Variants in CAMK2B observed in about 807,000 individuals in gnomAD.
The protein encoded by CAMK2B is calcium/calmodulin dependent protein kinase II beta.
A neutral mutation model predicts 93.7 loss-of-function variants in CAMK2B; 27 were observed. The observed-to-expected ratio is 0.29, with a 90% CI of 0.21 to 0.40. CAMK2B has a LOEUF of 0.40. Among genes scored for constraint, CAMK2B ranks in the 10% least tolerant of loss-of-function variants. The pLI, the probability that CAMK2B is intolerant of heterozygous loss-of-function variation, is 1.00. For missense variants in CAMK2B, 568 were observed against 895.8 expected (o/e 0.63, Z 4.67); for synonymous variants, 374 against 358.8 (o/e 1.04, Z -0.48).
chr7:44,238,655 G>A (rs991742521), intron 13 of CAMK2B, among the ~76,000 whole-genome samples: 4 of 152,212 alleles, frequency 2.6e-5, no homozygotes, highest in Non-Finnish European at 5.9e-5. Flanking sequence ...CCTGGGGAAG[G>A]CAGTCTCCAG....
chr7:44,226,105 G>A (rs971796322), intron 20 of CAMK2B, among the ~76,000 whole-genome samples: 3 of 151,952 alleles, frequency 2.0e-5, no homozygotes, highest in South Asian at 2.1e-4. Context: ...GTCTCAGGCC[G>A]GGACTGACAC....
chr7:44,307,328 GGGGA>G (rs1223642955), intron 1 of CAMK2B, among the ~76,000 whole-genome samples: 1 of 131,804 alleles, frequency 7.6e-6, no homozygotes. Context: ...GTGTGAGAAG[GGGGA>G]GGAAGTTGTC....
intron 1 of CAMK2B, among the ~76,000 whole-genome samples, chr7:44,322,629 C>A (rs1392229260): frequency 2.0e-5 from 3 of 152,256 alleles, no homozygotes; most frequent in Non-Finnish European, 4.4e-5. Flanking sequence ...GTCTGTGAGC[C>A]CTGCCAGGCT....
intron 1 of CAMK2B, among the ~76,000 whole-genome samples, chr7:44,303,694 G>C (rs1790711615): frequency 6.6e-6 from 1 of 152,194 alleles, no homozygotes; most frequent in African/African-American, 2.4e-5. Context: ...GTTTGGTGAT[G>C]ATTTCTTAGA....
chr7:44,315,571 C>T (rs1186731808), intron 1 of CAMK2B, among the ~76,000 whole-genome samples: 3 of 152,126 alleles, frequency 2.0e-5, no homozygotes, highest in Non-Finnish European at 4.4e-5. Context: ...TCTTGCATTC[C>T]TATGTGAATT....
intron 1 of CAMK2B, among the ~76,000 whole-genome samples, chr7:44,306,791 T>C (rs1358681561): frequency 2.0e-5 from 1 of 49,750 alleles, no homozygotes; most frequent in Non-Finnish European, 4.1e-5. Context: ...GAGGAGGGTG[T>C]GGGCAGGGGA....
intron 3 of CAMK2B, chr7:44,259,428 G>A (rs778617294): frequency 1.1e-4 from 18 of 164,036 alleles, no homozygotes; most frequent in South Asian, 6.7e-4. Flanking sequence ...CTGTGTCTCC[G>A]CTGTGTCCTG....
Position 44,218,877 on chromosome 7 carries a change from G to T in CAMK2B, c.*648C>A, listed in dbSNP as rs1487651496. 1 of 152,212 alleles carries T rather than the reference G, an allele frequency of 6.6e-6. No individual in the cohort carries two copies. The highest frequency in any genetic ancestry group is 6.5e-5 in the Admixed American group (1 of 15,284). The allele number at this position is 152,212 out of a possible 1,614,324, so 9.4% of individuals were successfully genotyped here. The stretch of plus-strand genomic sequence containing the variant: ...GGGTTGTCCGTGCTGGGTGTGTGGG[G>T]ATACCGGGCACGGAAAACCCACACC... On this transcript the variant is annotated 3_prime_UTR_variant, in exon 24 of 24. Transcript: ENST00000395749.
chr7:44,218,739 A>G lies in CAMK2B; in HGVS notation c.*786T>C, dbSNP rs989007985. On this transcript the variant is annotated 3_prime_UTR_variant, in exon 24 of 24. Transcript: ENST00000395749. ...GCCCCTCTTTGCACTTTACTCCCCC[A>G]GAAGGACCAGAGCTGGAGCCCTGGG... 9.2e-5 allele frequency: 14 copies of G among 152,440 alleles called. No homozygotes were observed. The highest frequency in any genetic ancestry group is 3.4e-4 in the African/African-American group (14 of 41,574). The allele number at this position is 152,440 out of a possible 1,614,324, so 9.4% of individuals were successfully genotyped here. A position where few individuals can be genotyped will look rare whatever the true frequency, so the allele number is the denominator to read the frequency against.
At chr7:44,240,848 C>T in intron 11 of CAMK2B, 99 bp from the exon 12 acceptor site, 1 of 1,290,906 alleles carries the variant, frequency 7.7e-7, no homozygotes, top group Non-Finnish European at 1.1e-6. Flanking sequence ...AGATGCTCAG[C>T]CTCATTGTCA....
Position 44,258,582 on chromosome 7 carries a change from C to T in CAMK2B, c.275+290G>A, listed in dbSNP as rs1168990692. 3.9e-5 allele frequency among the ~76,000 whole-genome samples: 6 copies of T among 152,234 alleles called. No individual in the cohort carries two copies. The East Asian group carries it at 1.2e-3, about 29-fold the overall frequency. ...TGACTGACTATTCCTCTGGGGTCCA[C>T]CCACCCGCTGCCTCCAGTGTGCCCT... On this transcript the variant is annotated intron_variant, in intron 4 of 23. Transcript: ENST00000395749.
At chr7:44,250,255 G>A (rs185208569) in intron 5 of CAMK2B, among the ~76,000 whole-genome samples, 2 of 152,314 alleles carry the variant, frequency 1.3e-5, no homozygotes, top group East Asian at 3.9e-4. Context: ...CTGAGACCAC[G>A]GCCTTGGAGG....
At chr7:44,251,631 C>G (rs2096781667) in intron 5 of CAMK2B, among the ~76,000 whole-genome samples, 1 of 152,208 alleles carries the variant, frequency 6.6e-6, no homozygotes, top group Admixed American at 6.5e-5. Context: ...CCGTGTGCCC[C>G]CTCGCTCCCC....
At chr7:44,229,846 G>T in intron 17 of CAMK2B, 1 of 226,834 alleles carries the variant, frequency 4.4e-6, no homozygotes, top group Non-Finnish European at 8.6e-6. Flanking sequence ...CCAGGCGCAC[G>T]GAGAGGGAGT....
At chr7:44,304,981 T>TTTA (rs1035763121) in intron 1 of CAMK2B, among the ~76,000 whole-genome samples, 1 of 152,102 alleles carries the variant, frequency 6.6e-6, no homozygotes, top group Non-Finnish European at 1.5e-5. Context: ...GAGAAGGACT[T>TTTA]TTTAAAACCA....
chr7:44,265,895 A>AC (rs903744886), intron 2 of CAMK2B, among the ~76,000 whole-genome samples: 16 of 151,782 alleles, frequency 1.1e-4, no homozygotes, highest in African/African-American at 3.9e-4. Flanking sequence ...ATAAACCATG[A>AC]CACAAGATCT....
chr7:44,243,026 G>A (rs77513510), intron 8 of CAMK2B, among the ~76,000 whole-genome samples: 3,505 of 152,316 alleles, frequency 0.023, 61 homozygotes, highest in Non-Finnish European at 0.035. Flanking sequence ...GAGCGCAGGC[G>A]AGCACTGGGG....
At chr7:44,280,188 C>T (rs547614770) in intron 2 of CAMK2B, among the ~76,000 whole-genome samples, 1 of 152,298 alleles carries the variant, frequency 6.6e-6, no homozygotes, top group Admixed American at 6.5e-5. Flanking sequence ...TCTGACATGC[C>T]CCATGGTCCC....
chr7:44,240,316 C>T (rs2096666005), intron 12 of CAMK2B, among the ~76,000 whole-genome samples: 1 of 152,224 alleles, frequency 6.6e-6, no homozygotes, highest in African/African-American at 2.4e-5. Context: ...CCGCATCACC[C>T]CGCATCCCTT....
Sources: gnomAD v4.1 joint callset for allele counts (sites outside exome capture counted in the v4.1 genomes callset) on GRCh38, gnomAD v4.1.1 for gene constraint, MANE v1.5 for transcripts, NCBI Gene and HGNC (gene_info 2026-07-23, HGNC 2026-07-21) for gene names.